Variants in PTPRO observed in about 807,000 individuals in gnomAD.
The protein encoded by PTPRO is receptor-type tyrosine-protein phosphatase O.
Under a neutral mutation model 145.2 loss-of-function variants are expected in PTPRO, and 62 were observed. The ratio of observed to expected loss-of-function variants is 0.43; its 90% confidence interval spans 0.35 to 0.53. The LOEUF (loss-of-function observed/expected upper bound fraction) is 0.53. Among genes scored for constraint, PTPRO ranks in the 20% least tolerant of loss-of-function variants. PTPRO has a pLI of 0.01. For synonymous variants in PTPRO, 565 were observed against 514.7 expected, an observed-to-expected ratio of 1.10 and a Z score of -1.32; for missense variants, 1,345 against 1,482.7, an observed-to-expected ratio of 0.91 and a Z score of 1.53.
Position 15,371,272 on chromosome 12 carries a change from G to A in PTPRO, c.75+48471G>A, listed in dbSNP as rs180696286. Among the ~76,000 whole-genome samples, 421 of 148,808 alleles carry A rather than the reference G, an allele frequency of 2.8e-3. 3 individuals are homozygous for A. Among genetic ancestry groups the A allele is most frequent in the African/African-American group, 0.01 (408 of 40,266 alleles). On this transcript the variant is annotated intron_variant, in intron 1 of 26. Coordinates refer to ENST00000281171, the MANE Select transcript of PTPRO (RefSeq NM_030667.3). The stretch of plus-strand genomic sequence containing the variant: ...TTTTTAGACCGAGTCTCGCTCTGTC[G>A]CCCAGGCTGGAGTGCAGTGGTGCAA...
chr12:15,326,789 T>C (rs1346046090), intron 1 of PTPRO, among the ~76,000 whole-genome samples: 2 of 152,192 alleles, frequency 1.3e-5, no homozygotes, highest in Non-Finnish European at 2.9e-5. Flanking sequence ...CAAGTTTTCA[T>C]TTTCCCCTAA....
At chr12:15,405,276 G>A (rs1939616179) in intron 1 of PTPRO, among the ~76,000 whole-genome samples, 1 of 152,082 alleles carries the variant, frequency 6.6e-6, no homozygotes, top group Admixed American at 6.5e-5. Flanking sequence ...CTAACAAAAG[G>A]GATCCAGGGA....
At chr12:15,438,873 T>C (rs1046754930) in intron 1 of PTPRO, among the ~76,000 whole-genome samples, 3 of 152,146 alleles carry the variant, frequency 2.0e-5, no homozygotes, top group Non-Finnish European at 4.4e-5. Flanking sequence ...TGAGATACTA[T>C]GCAAAACAAA....
chr12:15,545,919 G>A (rs1943276373), intron 12 of PTPRO, among the ~76,000 whole-genome samples: 2 of 151,708 alleles, frequency 1.3e-5, no homozygotes, highest in South Asian at 2.1e-4. Flanking sequence ...GGGAGTCGAG[G>A]CAGGAGGATC....
Position 15,490,355 on chromosome 12 carries a change from T to G in PTPRO, c.349+6108T>G, listed in dbSNP as rs780106520. 2.7e-4 allele frequency among the ~76,000 whole-genome samples: 41 copies of G among 152,288 alleles called. 1 individual carries two copies. The highest frequency in any genetic ancestry group is 4.7e-4 in the Non-Finnish European group (32 of 68,000). On this transcript the variant is annotated intron_variant, in intron 2 of 26. Transcript: ENST00000281171. ...GTTATGCTTTGAGGGCCATACAGAC[T>G]ATATTGCAACTACACAACTCTGCCG...
intron 23 of PTPRO, among the ~76,000 whole-genome samples, chr12:15,582,221 C>T (rs528782683): frequency 3.3e-4 from 50 of 152,350 alleles, no homozygotes; most frequent in African/African-American, 1.2e-3. Context: ...GGTAAACCGA[C>T]AACCTTCAGC....
chr12:15,397,653 C>G (rs899723736), intron 1 of PTPRO, among the ~76,000 whole-genome samples: 1 of 152,086 alleles, frequency 6.6e-6, no homozygotes, highest in Non-Finnish European at 1.5e-5. Context: ...TGGCTTTGGT[C>G]CTGGTTCATG....
At position 15,516,808 on chromosome 12, in the gene PTPRO, C is replaced by A; in HGVS notation, c.1631C>A (p.Thr544Lys). 2 of 1,612,074 alleles carry A rather than the reference C, an allele frequency of 1.2e-6. No individual in the cohort carries two copies. Among genetic ancestry groups the A allele is most frequent in the African/African-American group, 2.7e-5 (2 of 74,972 alleles). ...KDLMLYPLGP[T>K]AVVLSWTRPY... ...TTAATGCTCTATCCTTTGGGTCCTA[C>A]GGCCGTGGTTCTGAGCTGGACCAGA... The change falls in exon 9 of 27, where the codon ACG (threonine) becomes AAG (lysine). Residue 544 changes from threonine (T) to lysine (K), a missense_variant. Physicochemically the swap from Thr to Lys is moderately conservative, Grantham distance 78. Around this residue, in one of 3 missense-constraint regions of PTPRO, gnomAD observed 1,130 missense variants for 1,214.7 expected, o/e 0.93. Coordinates refer to ENST00000281171, the MANE Select transcript of PTPRO (RefSeq NM_030667.3).
At chr12:15,475,676 A>T (rs926162148) in intron 1 of PTPRO, among the ~76,000 whole-genome samples, 3 of 152,088 alleles carry the variant, frequency 2.0e-5, no homozygotes, top group Non-Finnish European at 4.4e-5. Flanking sequence ...ATTTTCCATC[A>T]GCTCTCGGTG....
At chr12:15,541,159 A>G (rs940441097) in intron 12 of PTPRO, among the ~76,000 whole-genome samples, 3 of 152,336 alleles carry the variant, frequency 2.0e-5, no homozygotes, top group South Asian at 2.1e-4. Flanking sequence ...GAGCATGAGA[A>G]TATGGAAAAT....
intron 1 of PTPRO, among the ~76,000 whole-genome samples, chr12:15,470,238 G>A (rs1941509372): frequency 6.6e-6 from 1 of 152,172 alleles, no homozygotes; most frequent in African/African-American, 2.4e-5. Flanking sequence ...GGGGACTGTA[G>A]TACAATAGAG....
chr12:15,360,641 A>G (rs986748379), intron 1 of PTPRO, among the ~76,000 whole-genome samples: 11 of 151,298 alleles, frequency 7.3e-5, no homozygotes, highest in African/African-American at 2.2e-4. Flanking sequence ...GTGTGTGTGT[A>G]TATATATACA....
At chr12:15,422,795 A>G (rs1255783772) in intron 1 of PTPRO, among the ~76,000 whole-genome samples, 1 of 152,198 alleles carries the variant, frequency 6.6e-6, no homozygotes, top group East Asian at 1.9e-4. Context: ...AAGGGTAAAT[A>G]TTTAGTGATT....
At chr12:15,544,256 G>A (rs781716039) in intron 12 of PTPRO, among the ~76,000 whole-genome samples, 2 of 152,042 alleles carry the variant, frequency 1.3e-5, no homozygotes, top group Non-Finnish European at 2.9e-5. Flanking sequence ...CCAGCTCCCA[G>A]CACTTTGGGA....
chr12:15,588,041 C>T (rs952978139), intron 24 of PTPRO, among the ~76,000 whole-genome samples: 10 of 152,186 alleles, frequency 6.6e-5, no homozygotes, highest in Admixed American at 6.5e-4. Context: ...GCTGTCAATC[C>T]ACTGTAGGCA....
intron 1 of PTPRO, among the ~76,000 whole-genome samples, chr12:15,429,516 T>A (rs1454116757): frequency 1.3e-5 from 2 of 152,118 alleles, no homozygotes; most frequent in Admixed American, 6.6e-5. Context: ...GAAGGCAGCA[T>A]ATGCACAAAT....
intron 1 of PTPRO, among the ~76,000 whole-genome samples, chr12:15,330,253 C>CT (rs1866568437): frequency 6.6e-6 from 1 of 152,146 alleles, no homozygotes; most frequent in African/African-American, 2.4e-5. Context: ...CAAACACTGG[C>CT]ATTAGGGTGA....
chr12:15,408,409 C>T (rs1939704435), intron 1 of PTPRO, among the ~76,000 whole-genome samples: 2 of 151,978 alleles, frequency 1.3e-5, no homozygotes, highest in Admixed American at 1.3e-4. Flanking sequence ...CAAGGGAAGT[C>T]AAAGTTTTTG....
chr12:15,343,294 G>T (rs1256878700), intron 1 of PTPRO, among the ~76,000 whole-genome samples: 1 of 151,942 alleles, frequency 6.6e-6, no homozygotes, highest in Non-Finnish European at 1.5e-5. Flanking sequence ...TTCCACAGTG[G>T]ATGGAATATT....
Sources: allele counts gnomAD v4.1 joint callset (sites outside exome capture counted in the v4.1 genomes callset), GRCh38; gene constraint gnomAD v4.1.1; regional missense constraint gnomAD v4.1.1; transcripts MANE v1.5; gene names NCBI Gene and HGNC (gene_info 2026-07-23, HGNC 2026-07-21).